The following TSPAN5 variants were observed in gnomAD, a reference collection of about 807,000 sequenced individuals.
TSPAN5 encodes tetraspanin-5.
A neutral mutation model predicts 37.1 loss-of-function variants in TSPAN5; 10 were observed. The ratio of observed to expected loss-of-function variants is 0.27; its 90% CI spans 0.17 to 0.46. The LOEUF (loss-of-function observed/expected upper bound fraction) is 0.46. Ranked by LOEUF, TSPAN5 falls within the 20% of genes least tolerant of loss-of-function variation. The pLI is 1.00. For missense variants in TSPAN5, 195 were observed against 326.6 expected, an observed-to-expected ratio of 0.60 and a Z score of 3.11; for synonymous variants, 110 against 118.9, an observed-to-expected ratio of 0.93 and a Z score of 0.48.
chr4:98,532,765 T>G (rs1218014198), intron 1 of TSPAN5, among the ~76,000 whole-genome samples: 1 of 152,210 alleles, frequency 6.6e-6, no homozygotes, highest in African/African-American at 2.4e-5. Flanking sequence ...CCCTGTCTTG[T>G]GCCAGTTTTC....
intron 2 of TSPAN5, among the ~76,000 whole-genome samples, chr4:98,498,003 G>C (rs1218550522): frequency 1.3e-5 from 2 of 152,218 alleles, no homozygotes; most frequent in Admixed American, 6.5e-5. Flanking sequence ...TCTGAATTTA[G>C]AAGCCCGCTC....
At chr4:98,548,144 C>G (rs988813064) in intron 1 of TSPAN5, among the ~76,000 whole-genome samples, 1 of 152,058 alleles carries the variant, frequency 6.6e-6, no homozygotes, top group Non-Finnish European at 1.5e-5. Context: ...CATATGAACC[C>G]CCAGTTAAGT....
intron 1 of TSPAN5, among the ~76,000 whole-genome samples, chr4:98,522,986 T>C (rs1003323673): frequency 6.6e-6 from 1 of 152,246 alleles, no homozygotes; most frequent in Non-Finnish European, 1.5e-5. Context: ...AGCCACCGAA[T>C]ATCATCCTCT....
chr4:98,508,518 T>C, intron 1 of TSPAN5, among the ~76,000 whole-genome samples: 1 of 148,106 alleles, frequency 6.8e-6, no homozygotes. Flanking sequence ...ATTTTACTGT[T>C]TTTCTTTTTT....
In TSPAN5 at chr4:98,575,390, C is replaced by T. The variant is rs1452443012; in HGVS notation, c.82-67662G>A. ...TTTTTTTTTTTTTTTAAAGCCCATA[C>T]TGTCAGTCTCTTTTCAATGAGACAA... On this transcript the variant is annotated intron_variant, in intron 1 of 7. Transcript: ENST00000305798. Among the ~76,000 whole-genome samples the T allele has an allele frequency of 4.1e-5, 6 of 147,668 alleles. 1 individual carries two copies. The South Asian group carries it at 1.3e-3, about 32-fold the overall frequency.
chr4:98,598,426 CG>C (rs371300575), intron 1 of TSPAN5, among the ~76,000 whole-genome samples: 1 of 151,068 alleles, frequency 6.6e-6, no homozygotes, highest in African/African-American at 2.4e-5. Flanking sequence ...AGCTGTAGAC[CG>C]GAGCTGTTCC....
chr4:98,475,380 A>G (rs1222584162), intron 7 of TSPAN5, among the ~76,000 whole-genome samples: 1 of 152,216 alleles, frequency 6.6e-6, no homozygotes, highest in African/African-American at 2.4e-5. Context: ...CAACAACATG[A>G]AGAGTCCAGC....
chr4:98,565,627 A>T (rs1754986559), intron 1 of TSPAN5, among the ~76,000 whole-genome samples: 1 of 152,188 alleles, frequency 6.6e-6, no homozygotes, highest in African/African-American at 2.4e-5. Flanking sequence ...TCTGTATTAA[A>T]TTTGGACTGC....
At chr4:98,523,049 T>C (rs1753888815) in intron 1 of TSPAN5, among the ~76,000 whole-genome samples, 1 of 152,188 alleles carries the variant, frequency 6.6e-6, no homozygotes, top group Non-Finnish European at 1.5e-5. Context: ...AAATCATTCT[T>C]TTATATGTTC....
chr4:98,531,819 T>C (rs1578971716), intron 1 of TSPAN5, among the ~76,000 whole-genome samples: 1 of 152,374 alleles, frequency 6.6e-6, no homozygotes, highest in East Asian at 1.9e-4. Context: ...CCAATAATGA[T>C]GAGCTTTTTT....
Position 98,584,804 on chromosome 4 carries a change from G to T in TSPAN5, c.81+73342C>A, listed in dbSNP as rs1579009697. ...AAAGGAACTTCAGAAAAGATGGAGT[G>T]ACCAAGAGAATTGAATGTGTCTTGA... On this transcript the variant is annotated intron_variant, in intron 1 of 7. Transcript: ENST00000305798. Among the ~76,000 whole-genome samples, 5 of 152,180 alleles carry T rather than the reference G, an allele frequency of 3.3e-5. No individual in the cohort carries two copies. In the South Asian group the frequency reaches 1.0e-3, roughly 32 times the overall value.
intron 1 of TSPAN5, among the ~76,000 whole-genome samples, chr4:98,644,583 A>G (rs546791235): frequency 6.6e-6 from 1 of 152,262 alleles, no homozygotes; most frequent in African/African-American, 2.4e-5. Context: ...TACATGTGAC[A>G]TGCTGGTGCG....
chr4:98,562,208 G>A (rs534364442), intron 1 of TSPAN5, among the ~76,000 whole-genome samples: 2 of 152,310 alleles, frequency 1.3e-5, no homozygotes, highest in Admixed American at 1.3e-4. Flanking sequence ...GAAACAGTAA[G>A]GCCAGATTTG....
chr4:98,484,169 T>C (rs2110261530), intron 3 of TSPAN5: 1 of 260,884 alleles, frequency 3.8e-6, no homozygotes, highest in South Asian at 4.6e-5. Context: ...TATAAAATAT[T>C]TGGCAGATAC....
At chr4:98,606,515 A>G (rs1479598462) in intron 1 of TSPAN5, among the ~76,000 whole-genome samples, 1 of 152,228 alleles carries the variant, frequency 6.6e-6, no homozygotes, top group Non-Finnish European at 1.5e-5. Context: ...GTAAGTGTCT[A>G]AATATTTGAC....
chr4:98,491,744 A>G (rs1473237583), intron 2 of TSPAN5, among the ~76,000 whole-genome samples: 1 of 152,056 alleles, frequency 6.6e-6, no homozygotes, highest in Non-Finnish European at 1.5e-5. Context: ...TTGGATTACA[A>G]AAATGATAGG....
chr4:98,551,139 T>C (rs753275753), intron 1 of TSPAN5, among the ~76,000 whole-genome samples: 7 of 148,832 alleles, frequency 4.7e-5, no homozygotes, highest in Admixed American at 6.6e-5. Context: ...GAGACGATCA[T>C]ATGTTTTTGT....
At chr4:98,559,618 CCATAA>C (rs1291772341) in intron 1 of TSPAN5, among the ~76,000 whole-genome samples, 2 of 152,156 alleles carry the variant, frequency 1.3e-5, no homozygotes, top group African/African-American at 2.4e-5. Flanking sequence ...TGGAAATACT[CCATAA>C]CATAAGTAGG....
rs2110249632 is a variant in TSPAN5, at chr4:98,472,405, C to T, written c.*117G>A. On this transcript the variant is annotated 3_prime_UTR_variant, in exon 8 of 8. Transcript: ENST00000305798. Reference sequence around the variant, plus strand: ...CTCCCCTAATGGCAGCTCCATTAGGCGAGACTGCAGGCTGCATCTGTGATT... The same window carrying T: ...CTCCCCTAATGGCAGCTCCATTAGGTGAGACTGCAGGCTGCATCTGTGATT... The T allele has an allele frequency of 2.5e-6, 2 of 801,048 alleles. No individual in the cohort carries two copies. Among genetic ancestry groups the T allele is most frequent in the East Asian group, 2.6e-5 (1 of 37,952 alleles). 49.6% of individuals were successfully genotyped at this position (801,048 alleles called of 1,614,324 possible). A position where few individuals can be genotyped will look rare whatever the true frequency, so the allele number is the denominator to read the frequency against.
Sources: allele counts gnomAD v4.1 joint callset (sites outside exome capture counted in the v4.1 genomes callset), GRCh38; gene constraint gnomAD v4.1.1; transcripts MANE v1.5; gene names NCBI Gene and HGNC (gene_info 2026-07-23, HGNC 2026-07-21).